Variants in CDH19 observed in about 807,000 individuals in gnomAD.
CDH19 encodes cadherin-19.
CDH19 carries 67 observed loss-of-function variants against 64.2 expected under a neutral mutation model. That is an observed-to-expected ratio of 1.04 (90% CI 0.86 to 1.28). CDH19 has a LOEUF of 1.28. Among genes scored for constraint, CDH19 ranks in the 50% most tolerant of loss-of-function variants. The pLI is 0.00. For synonymous variants in CDH19, 346 were observed against 319.3 expected, an observed-to-expected ratio of 1.08 and a Z score of -0.89; for missense variants, 1,030 against 929.0, an observed-to-expected ratio of 1.11 and a Z score of -1.41.
At chr18:66,542,636 G>A (rs2144480616) in intron 7 of CDH19, among the ~76,000 whole-genome samples, 1 of 152,288 alleles carries the variant, frequency 6.6e-6, no homozygotes, top group Middle Eastern at 3.4e-3. Flanking sequence ...GTGGTATCCT[G>A]TAAAACACAG....
chr18:66,524,382 TAATAAC>T (rs1292890712), intron 9 of CDH19, among the ~76,000 whole-genome samples: 1 of 151,802 alleles, frequency 6.6e-6, no homozygotes, highest in South Asian at 2.1e-4. Flanking sequence ...TGTACATAGT[TAATAAC>T]AATTGACTAT....
Position 66,544,825 on chromosome 18 carries a change from A to G in CDH19, c.854T>C (p.Ile285Thr). 6.2e-7 allele frequency: 1 copy of G among 1,612,540 alleles called. No individual in the cohort carries two copies. The change falls in exon 6 of 12, where the codon ATA (isoleucine) becomes ACA (threonine). Residue 285 changes from isoleucine to threonine, a missense_variant. Coordinates refer to ENST00000262150, the MANE Select transcript of CDH19 (RefSeq NM_021153.4). ...GTAATCCATTTCTGCATTCTCTCCT[A>G]TGTCATTATCATATGCCATGATTGT... ...IGTIMAYDND[I>T]GENAEMDYSI...
chr18:66,520,593 T>G (rs1568175981), intron 9 of CDH19, among the ~76,000 whole-genome samples: 1 of 152,046 alleles, frequency 6.6e-6, no homozygotes, highest in Non-Finnish European at 1.5e-5. Context: ...TGAAACACAT[T>G]TGGAGAATTT....
In CDH19 at chr18:66,504,673, A is replaced by G; in HGVS notation, c.*139T>C. On this transcript the variant is annotated 3_prime_UTR_variant, in exon 12 of 12. Transcript: ENST00000262150. ...TGTAGGTAGCTTAAAATAACCATGGAGTATTTACTCCAGGGAAATCAGAAA... is the reference window on the plus strand; with the variant it reads ...TGTAGGTAGCTTAAAATAACCATGGGGTATTTACTCCAGGGAAATCAGAAA... 1.3e-6 allele frequency: 1 copy of G among 752,048 alleles called. No individual in the cohort carries two copies. The highest frequency in any genetic ancestry group is 2.5e-5 in the South Asian group (1 of 40,770). The allele number at this position is 752,048 out of a possible 1,614,324, so 46.6% of individuals were successfully genotyped here. A position where few individuals can be genotyped will look rare whatever the true frequency, so the allele number is the denominator to read the frequency against.
rs1233434772 is a variant in CDH19 at position 66,568,671 on chromosome 18, A to G, written c.235T>C (p.Tyr79His). 4.3e-6 allele frequency: 7 copies of G among 1,610,312 alleles called. No homozygotes were observed. The highest frequency in any genetic ancestry group is 5.9e-6 in the Non-Finnish European group (7 of 1,178,480). The change falls in exon 3 of 12, where the codon TAC becomes CAC. Residue 79 changes from tyrosine (Y) to histidine (H), a missense_variant. Tyr to His is a moderately conservative substitution (Grantham distance 83). Transcript: ENST00000262150. ...CCAGCTCCAGCTCCCAAAAGCTTGT[A>G]CTGGAAAGAATTGTTTCCATTGTCT... is the stretch of plus-strand genomic sequence containing the variant. Reference protein sequence around the residue: ...DLDNGNNSFQYKLLGAGAGST... With the variant: ...DLDNGNNSFQHKLLGAGAGST...
intron 1 of CDH19, among the ~76,000 whole-genome samples, chr18:66,581,600 C>T (rs1337490155): frequency 1.3e-5 from 2 of 152,082 alleles, no homozygotes; most frequent in African/African-American, 2.4e-5. Flanking sequence ...TTTCATCTTC[C>T]TCCTGTGCTG....
intron 5 of CDH19, among the ~76,000 whole-genome samples, chr18:66,545,326 C>T (rs1360786191): frequency 6.6e-6 from 1 of 151,932 alleles, no homozygotes; most frequent in African/African-American, 2.4e-5. Flanking sequence ...CCCGTATCTA[C>T]CTTTCCCAGT....
At chr18:66,596,263 G>A (rs555002154) in intron 1 of CDH19, 37 of 152,278 alleles carry the variant, frequency 2.4e-4, no homozygotes, top group African/African-American at 8.2e-4. Context: ...AGACAAGGAT[G>A]CTGACTCTCA....
intron 2 of CDH19, 43 bp downstream of exon 2, chr18:66,571,967 C>T: frequency 7.2e-7 from 1 of 1,382,036 alleles, no homozygotes; most frequent in East Asian, 2.3e-5. Context: ...TATTTATTTA[C>T]ATTGTTGTGC....
At chr18:66,583,943 C>A (rs1048944039) in intron 1 of CDH19, among the ~76,000 whole-genome samples, 1 of 151,992 alleles carries the variant, frequency 6.6e-6, no homozygotes, top group Non-Finnish European at 1.5e-5. Flanking sequence ...TAGCAACAGG[C>A]AAAGATTTTA....
At chr18:66,538,459 T>C (rs1032904101) in intron 7 of CDH19, among the ~76,000 whole-genome samples, 2 of 152,096 alleles carry the variant, frequency 1.3e-5, no homozygotes, top group Non-Finnish European at 2.9e-5. Context: ...CTCCTTTCCT[T>C]TGTCATATCT....
Position 66,562,540 on chromosome 18 carries a change from C to T in CDH19, c.490+5876G>A, listed in dbSNP as rs544540610. ...GCTGCTCACCTCCTGCTGTGCAGCC[C>T]GGTTCCTAAGAGGCCACAGACAAGC... is the stretch of plus-strand genomic sequence containing the variant. On this transcript the variant is annotated intron_variant, in intron 3 of 11. Transcript: ENST00000262150. Among the ~76,000 whole-genome samples, 7 of 152,034 alleles carry T rather than the reference C, an allele frequency of 4.6e-5. No homozygotes were observed. In the South Asian group the frequency reaches 1.2e-3, roughly 27 times the overall value.
Position 66,505,217 on chromosome 18 carries a change from T to C in CDH19, c.1914A>G (p.Ile638Met). The change falls in exon 12 of 12, where the codon ATA becomes ATG. Residue 638 changes from isoleucine to methionine, a missense_variant. Transcript: ENST00000262150. The part of the protein sequence containing the change: ...PEKSEDFREN[I>M]FQYDDEGGGE... ...CACCCCCTTCATCATCATATTGGAA[T>C]ATATTCTCTCTGAAATCTTCACTTT... The C allele has an allele frequency of 6.2e-7, 1 of 1,610,222 alleles. No homozygotes were observed. The highest frequency in any genetic ancestry group is 8.5e-7 in the Non-Finnish European group (1 of 1,178,686).
At chr18:66,531,033 G>C (rs1032067691) in intron 8 of CDH19, among the ~76,000 whole-genome samples, 3 of 152,024 alleles carry the variant, frequency 2.0e-5, no homozygotes, top group Non-Finnish European at 2.9e-5. Context: ...TGCCATTTTT[G>C]TCATATGCGA....
chr18:66,533,550 C>T (rs1374206327), intron 8 of CDH19, among the ~76,000 whole-genome samples: 1 of 151,862 alleles, frequency 6.6e-6, no homozygotes, highest in East Asian at 1.9e-4. Context: ...CTAAACTTTG[C>T]TTGAAATTAA....
Position 66,544,080 on chromosome 18 carries a change from G to C in CDH19, c.1105C>G (p.Leu369Val). The change falls in exon 7 of 12, where the codon CTT becomes GTT. Residue 369 changes from leucine (L) to valine (V), a missense_variant. Leu to Val is a conservative substitution (Grantham distance 32). Coordinates refer to ENST00000262150, the MANE Select transcript of CDH19 (RefSeq NM_021153.4). ...IQVEDVDEPP[L>V]FLLPYYVFEV... is the part of the protein sequence containing the mutation. Reference sequence around the variant, plus strand: ...AATACATAATATGGAAGGAGGAAAAGAGGAGGCTCATCAACATCTTCCACC... The same window carrying C: ...AATACATAATATGGAAGGAGGAAAACAGGAGGCTCATCAACATCTTCCACC... 1.2e-6 allele frequency: 2 copies of C among 1,613,990 alleles called. No homozygotes were observed. The highest frequency in any genetic ancestry group is 2.2e-5 in the East Asian group (1 of 44,872).
chr18:66,586,205 A>T (rs998013695), intron 1 of CDH19, among the ~76,000 whole-genome samples: 14 of 152,124 alleles, frequency 9.2e-5, no homozygotes, highest in African/African-American at 3.1e-4. Flanking sequence ...TTAGAAAAAT[A>T]TTGAGTAGGC....
At chr18:66,517,827 T>C (rs7234934) in intron 9 of CDH19, among the ~76,000 whole-genome samples, 1 of 147,252 alleles carries the variant, frequency 6.8e-6, no homozygotes, top group Non-Finnish European at 1.5e-5. Flanking sequence ...TTTGGATATA[T>C]TATATCAAAT....
intron 8 of CDH19, among the ~76,000 whole-genome samples, chr18:66,530,242 A>G (rs998015226): frequency 2.6e-5 from 4 of 152,108 alleles, no homozygotes; most frequent in African/African-American, 7.2e-5. Context: ...GTAAAAAGAT[A>G]AAGTAAAATA....
Sources: allele counts gnomAD v4.1 joint callset (sites outside exome capture counted in the v4.1 genomes callset), GRCh38; gene constraint gnomAD v4.1.1; transcripts MANE v1.5; gene names NCBI Gene and HGNC (gene_info 2026-07-23, HGNC 2026-07-21).